SERINC5: variants seen among roughly 807,000 people sequenced by gnomAD.
The protein encoded by SERINC5 is chromosome 5 open reading frame 12.
In SERINC5, 41 loss-of-function variants were observed where a neutral mutation model predicts 63.1. The observed-to-expected ratio is 0.65, with a 90% CI of 0.51 to 0.84. The LOEUF (loss-of-function observed/expected upper bound fraction) is 0.84, where lower values mean the gene tolerates loss of function less well. SERINC5 is among the 40% of genes least tolerant of loss of function. The pLI is 0.00. For missense variants in SERINC5, 523 were observed against 573.0 expected (o/e 0.91, Z 0.89); for synonymous variants, 222 against 215.2 (o/e 1.03, Z -0.28).
rs913256113 is a variant in SERINC5 at position 80,215,214 on chromosome 5, C to A, written c.28-12161G>T. On this transcript the variant is annotated intron_variant, in intron 1 of 11. Coordinates refer to ENST00000507668, the MANE Select transcript of SERINC5 (RefSeq NM_001174072.3). ...CACCATCCACTTGGTACTGTTCTCA[C>A]AACAGGGAGTGTGTTCTCATGAGAT... 5.3e-5 allele frequency among the ~76,000 whole-genome samples: 8 copies of A among 152,196 alleles called. No homozygotes were observed. In the East Asian group the frequency reaches 1.2e-3, roughly 22 times the overall value.
chr5:80,182,360 G>A (rs976808320), intron 2 of SERINC5, among the ~76,000 whole-genome samples: 2 of 152,138 alleles, frequency 1.3e-5, no homozygotes, highest in African/African-American at 4.8e-5. Context: ...CTGCAAAGCT[G>A]CTGTTTTATA....
intron 1 of SERINC5, among the ~76,000 whole-genome samples, chr5:80,222,561 A>AGTGTGTGTGTGT (rs752186814): frequency 0.038 from 5,584 of 146,142 alleles, 352 homozygotes; most frequent in African/African-American, 0.13. Flanking sequence ...TGAGTGTGTG[A>AGTGTGTGTGTGT]GTGTGTGAGT....
At chr5:80,193,382 C>G (rs527935293) in intron 2 of SERINC5, among the ~76,000 whole-genome samples, 1 of 152,278 alleles carries the variant, frequency 6.6e-6, no homozygotes, top group South Asian at 2.1e-4. Context: ...TTCTATTTAT[C>G]TGCAGGCTAC....
chr5:80,234,641 AAAAC>A (rs1479896726), intron 1 of SERINC5, among the ~76,000 whole-genome samples: 4 of 152,196 alleles, frequency 2.6e-5, no homozygotes, highest in African/African-American at 4.8e-5. Context: ...TGTTGAATGA[AAAAC>A]AAATGCCCCC....
downstream of SERINC5, chr5:80,138,689 G>T: frequency 5.5e-6 from 2 of 360,612 alleles, no homozygotes; most frequent in Non-Finnish European, 7.7e-6. Flanking sequence ...AGCATGATTT[G>T]GCTATTCCTG....
At position 80,204,145 on chromosome 5, in the gene SERINC5, A is replaced by C. The variant is rs546394795; in HGVS notation, c.28-1092T>G. Among the ~76,000 whole-genome samples the C allele has an allele frequency of 3.3e-5, 5 of 152,226 alleles. No homozygotes were observed. The East Asian group carries it at 9.6e-4, about 29-fold the overall frequency. Reference sequence around the variant, plus strand: ...CTGGCTGTTCATTTGTCTCCTTTATAATAAACTGGTAATCGCCAGTAAAGA... The same window carrying C: ...CTGGCTGTTCATTTGTCTCCTTTATCATAAACTGGTAATCGCCAGTAAAGA... On this transcript the variant is annotated intron_variant, in intron 1 of 11. Transcript: ENST00000507668.
intron 8 of SERINC5, among the ~76,000 whole-genome samples, chr5:80,153,544 C>T (rs1233392268): frequency 2.0e-5 from 3 of 152,108 alleles, no homozygotes; most frequent in Admixed American, 2.0e-4. Flanking sequence ...ACAAAGACCA[C>T]TGTTTGGTGA....
At chr5:80,170,758 G>A (rs1747599283) in intron 5 of SERINC5, among the ~76,000 whole-genome samples, 2 of 152,194 alleles carry the variant, frequency 1.3e-5, no homozygotes, top group Non-Finnish European at 1.5e-5. Context: ...GCTCACACCT[G>A]TAATCCCAGC....
chr5:80,143,677 C>T lies in SERINC5; in HGVS notation c.1372G>A (p.Glu458Lys), dbSNP rs1745646177. ...LVAPLCCPTR[E>K]FSV ...CGCCGATATCATCACACAGAGAACT[C>T]CCGGGTGGGGCAGCAGAGGGGAGCG... The change falls in exon 12 of 12, where the codon GAG (glutamate) becomes AAG (lysine). Residue 458 changes from glutamate (E) to lysine (K), a missense_variant. Physicochemically the swap from Glu to Lys is moderately conservative, Grantham distance 56. Coordinates refer to ENST00000507668, the MANE Select transcript of SERINC5 (RefSeq NM_001174072.3). 2.0e-6 allele frequency: 3 copies of T among 1,535,918 alleles called. No homozygotes were observed. The highest frequency in any genetic ancestry group is 2.6e-6 in the Non-Finnish European group (3 of 1,146,868).
rs773902712 is a variant in SERINC5 at position 80,143,778 on chromosome 5, C to A, written c.1271G>T (p.Ser424Ile). ...YESANIESFFSGSWSIFWVKM... is the reference protein window; with the variant it reads ...YESANIESFFIGSWSIFWVKM... ...GACCCAGAAGATGGACCAGCTCCCGCTGAAGAAGCTCTCGATGTTGGCACT... is the reference window on the plus strand; with the variant it reads ...GACCCAGAAGATGGACCAGCTCCCGATGAAGAAGCTCTCGATGTTGGCACT... The change falls in exon 12 of 12, where the codon AGC (serine) becomes ATC (isoleucine). Residue 424 changes from serine to isoleucine, a missense_variant. By Grantham distance (142) the Ser-to-Ile change is moderately radical (BLOSUM62 -2). Transcript: ENST00000507668. The A allele has an allele frequency of 2.1e-5, 32 of 1,536,024 alleles. No homozygotes were observed. Among genetic ancestry groups the A allele is most frequent in the Non-Finnish European group, 2.8e-5 (32 of 1,146,892 alleles).
intron 8 of SERINC5, chr5:80,156,982 G>GTTT (rs1176389112): frequency 2.2e-5 from 3 of 136,776 alleles, no homozygotes; most frequent in East Asian, 2.5e-4. Flanking sequence ...TATTTAAAGG[G>GTTT]TTTTTTTTTT....
intron 1 of SERINC5, among the ~76,000 whole-genome samples, chr5:80,207,241 G>A (rs1394765969): frequency 6.6e-6 from 1 of 152,064 alleles, no homozygotes; most frequent in East Asian, 1.9e-4. Flanking sequence ...CTTGTAATCC[G>A]CCGTCTCGGC....
downstream of SERINC5, among the ~76,000 whole-genome samples, chr5:80,135,586 GCAGTTTAAA>G (rs548298185): frequency 1.3e-4 from 20 of 151,372 alleles, 1 homozygote; most frequent in East Asian, 3.9e-3. Flanking sequence ...GGTTTGCAGT[GCAGTTTAAA>G]CAGTTCATAG....
At chr5:80,249,130 T>C (rs1028301915) in intron 1 of SERINC5, among the ~76,000 whole-genome samples, 4 of 151,796 alleles carry the variant, frequency 2.6e-5, no homozygotes, top group Non-Finnish European at 5.9e-5. Context: ...CTGACTAACA[T>C]GGTGAAACCC....
intron 2 of SERINC5, among the ~76,000 whole-genome samples, chr5:80,178,571 G>C (rs1748207075): frequency 8.1e-6 from 1 of 124,094 alleles, no homozygotes; most frequent in South Asian, 2.5e-4. Flanking sequence ...GTAGAGATGG[G>C]GTTTTGTCAT....
In SERINC5 at chr5:80,175,038, T is replaced by A; in HGVS notation, c.467A>T (p.Tyr156Phe). Residue 156 changes from tyrosine to phenylalanine, a missense_variant, in exon 5 of 12, where the codon TAT (tyrosine) becomes TTT (phenylalanine). Coordinates refer to ENST00000507668, the MANE Select transcript of SERINC5 (RefSeq NM_001174072.3). ...GAGGAAGCCTCCGACGGCTCCCACA[T>A]AGCGCCAGGCTGCAAAAGACCATGA... is the stretch of plus-strand genomic sequence containing the variant. ...DQDTFLNAWR[Y>F]VGAVGGFLFI... 1 of 1,592,840 alleles carries A rather than the reference T, an allele frequency of 6.3e-7. No homozygotes were observed. The highest frequency in any genetic ancestry group is 8.6e-7 in the Non-Finnish European group (1 of 1,169,054).
At chr5:80,148,313 C>G (rs918007525) in intron 9 of SERINC5, among the ~76,000 whole-genome samples, 1 of 150,870 alleles carries the variant, frequency 6.6e-6, no homozygotes, top group African/African-American at 2.4e-5. Context: ...GCCTCAGCCT[C>G]CCAAGTAGCT....
chr5:80,181,104 C>T (rs1213170745), intron 2 of SERINC5, among the ~76,000 whole-genome samples: 1 of 152,180 alleles, frequency 6.6e-6, no homozygotes, highest in East Asian at 1.9e-4. Flanking sequence ...CAGCTATCTA[C>T]TGGGCAGGGG....
chr5:80,221,975 G>A (rs1255001231), intron 1 of SERINC5, among the ~76,000 whole-genome samples: 2 of 151,860 alleles, frequency 1.3e-5, no homozygotes, highest in East Asian at 3.9e-4. Flanking sequence ...GGAGACATCA[G>A]CTCTACAAAA....
Sources: allele counts gnomAD v4.1 joint callset (sites outside exome capture counted in the v4.1 genomes callset), GRCh38; gene constraint gnomAD v4.1.1; transcripts MANE v1.5; gene names NCBI Gene and HGNC (gene_info 2026-07-23, HGNC 2026-07-21).